The following PSKH1 variants were observed in gnomAD, a reference collection of about 807,000 sequenced individuals.
PSKH1 encodes serine/threonine-protein kinase H1.
In PSKH1, 12 loss-of-function variants were observed where a neutral mutation model predicts 26.7. The ratio of observed to expected loss-of-function variants is 0.45; its 90% CI spans 0.29 to 0.73. The LOEUF (loss-of-function observed/expected upper bound fraction) is 0.73, where lower values mean the gene tolerates loss of function less well. PSKH1 is among the 30% of genes least tolerant of loss of function. PSKH1 has a pLI of 0.11. For synonymous variants in PSKH1, 213 were observed against 234.3 expected, an observed-to-expected ratio of 0.91 and a Z score of 0.83; for missense variants, 431 against 595.2, an observed-to-expected ratio of 0.72 and a Z score of 2.87.
At chr16:67,921,157 A>C (rs1191067315) in intron 2 of PSKH1, among the ~76,000 whole-genome samples, 1 of 152,186 alleles carries the variant, frequency 6.6e-6, no homozygotes, top group East Asian at 1.9e-4. Flanking sequence ...GCATGCCTGT[A>C]ATCCCAGCTA....
At position 67,909,403 on chromosome 16, in the gene PSKH1, C is replaced by T. The variant is rs956589447; in HGVS notation, c.654C>T (p.Asp218=). ...YLHALGITHR[D]LKPENLLYYH... ...ATGCACTGGGCATCACACACCGAGA[C>T]CTCAAACCTGAGAATCTGCTCTACT... is the stretch of plus-strand genomic sequence containing the variant. Residue 218 remains aspartate, a synonymous_variant, in exon 2 of 3, where the codon GAC becomes GAT. Transcript: ENST00000291041. This position sits in a 1 kb window ranked among gnomAD's most constrained non-coding sequence, Gnocchi z 7.8. 4 of 1,613,726 alleles carry T rather than the reference C, an allele frequency of 2.5e-6. No individual in the cohort carries two copies. Among genetic ancestry groups the T allele is most frequent in the Non-Finnish European group, 3.4e-6 (4 of 1,180,038 alleles).
At chr16:67,921,315 G>A (rs1236655040) in intron 2 of PSKH1, among the ~76,000 whole-genome samples, 1 of 151,842 alleles carries the variant, frequency 6.6e-6, no homozygotes, top group African/African-American at 2.4e-5. Flanking sequence ...TGTGGCTCAC[G>A]CCTGTATCCC....
intron 1 of PSKH1, among the ~76,000 whole-genome samples, chr16:67,904,389 A>G (rs949703013): frequency 1.3e-5 from 2 of 151,776 alleles, no homozygotes; most frequent in African/African-American, 4.8e-5. Flanking sequence ...TTTTTTTGGT[A>G]GAGATGGGGT....
intron 2 of PSKH1, among the ~76,000 whole-genome samples, chr16:67,914,396 G>A (rs1363861379): frequency 6.6e-6 from 1 of 151,786 alleles, no homozygotes; most frequent in Non-Finnish European, 1.5e-5. Flanking sequence ...CAGGTGATCC[G>A]CCTGCCTCAG....
At chr16:67,912,734 G>C (rs1470574901) in intron 2 of PSKH1, among the ~76,000 whole-genome samples, 2 of 152,178 alleles carry the variant, frequency 1.3e-5, no homozygotes, top group East Asian at 3.9e-4. Flanking sequence ...CGGGCGTGGT[G>C]GCACATGCCT....
chr16:67,925,668 G>A (rs1394095527), intron 2 of PSKH1, among the ~76,000 whole-genome samples: 1 of 152,128 alleles, frequency 6.6e-6, no homozygotes, highest in Non-Finnish European at 1.5e-5. Flanking sequence ...ATCTCCCCAG[G>A]AGTCACTGGG....
intron 1 of PSKH1, among the ~76,000 whole-genome samples, chr16:67,900,187 C>G (rs1050796888): frequency 5.3e-5 from 8 of 152,024 alleles, no homozygotes; most frequent in African/African-American, 1.7e-4. Context: ...ATCTTGTACT[C>G]CTTACCTCAG....
chr16:67,912,649 A>G (rs567159470), intron 2 of PSKH1, among the ~76,000 whole-genome samples: 1 of 152,284 alleles, frequency 6.6e-6, no homozygotes, highest in Non-Finnish European at 1.5e-5. Flanking sequence ...TGGGCAGATC[A>G]CCTGAGGTTG....
chr16:67,926,178 G>C (rs1270697793), intron 2 of PSKH1, among the ~76,000 whole-genome samples: 2 of 152,096 alleles, frequency 1.3e-5, no homozygotes, highest in Non-Finnish European at 2.9e-5. Flanking sequence ...GCCTATCCTT[G>C]GGGGAGCCTC....
At chr16:67,894,881 A>G (rs890494052) in intron 1 of PSKH1, among the ~76,000 whole-genome samples, 1 of 149,966 alleles carries the variant, frequency 6.7e-6, no homozygotes, top group African/African-American at 2.5e-5. Context: ...TCCTGGGATA[A>G]TTTTGTGATA....
intron 2 of PSKH1, among the ~76,000 whole-genome samples, chr16:67,926,179 G>C (rs1230816943): frequency 6.6e-6 from 1 of 152,098 alleles, no homozygotes. Flanking sequence ...CCTATCCTTG[G>C]GGGAGCCTCA....
intron 1 of PSKH1, among the ~76,000 whole-genome samples, chr16:67,900,360 G>T (rs1009778452): frequency 9.2e-5 from 14 of 152,302 alleles, no homozygotes; most frequent in Admixed American, 9.1e-4. Flanking sequence ...TCTGACAGCT[G>T]TAGTGATCAA....
chr16:67,896,000 A>C (rs558055785), intron 1 of PSKH1, among the ~76,000 whole-genome samples: 1 of 152,222 alleles, frequency 6.6e-6, no homozygotes, highest in South Asian at 2.1e-4. Flanking sequence ...GAGATGGTAC[A>C]TATAAGATCC....
chr16:67,903,189 C>T (rs576351325), intron 1 of PSKH1: 1 of 152,160 alleles, frequency 6.6e-6, no homozygotes, highest in Admixed American at 6.5e-5. Flanking sequence ...ATTTCTGTCT[C>T]CCAGGCTGGA....
chr16:67,904,175 C>G (rs1176390311), intron 1 of PSKH1, among the ~76,000 whole-genome samples: 1 of 151,496 alleles, frequency 6.6e-6, no homozygotes, highest in African/African-American at 2.4e-5. Context: ...GCCACAATGC[C>G]TGGCTAATTT....
intron 2 of PSKH1, among the ~76,000 whole-genome samples, chr16:67,910,573 C>T (rs1294852675): frequency 2.0e-5 from 3 of 152,216 alleles, no homozygotes; most frequent in Non-Finnish European, 4.4e-5. Flanking sequence ...ATTGCAGTCT[C>T]CACCTCATGG....
rs1292070613 is a variant in PSKH1 at position 67,908,992 on chromosome 16, C to T, written c.243C>T (p.Ala81=). The part of the protein sequence containing the change: ...TEPPSEPPRR[A]RVAKYRAKFD... Reference sequence around the variant, plus strand: ...CTCCCTCAGAACCACCACGCAGGGCCAGGGTAGCTAAGTACAGGGCCAAGT... The same window carrying T: ...CTCCCTCAGAACCACCACGCAGGGCTAGGGTAGCTAAGTACAGGGCCAAGT... Residue 81 remains alanine, a synonymous_variant, in exon 2 of 3, where the codon GCC becomes GCT. Coordinates refer to ENST00000291041, the MANE Select transcript of PSKH1 (RefSeq NM_006742.3). 3 of 1,614,076 alleles carry T rather than the reference C, an allele frequency of 1.9e-6. No individual in the cohort carries two copies. In the South Asian group the frequency reaches 3.3e-5, roughly 18 times the overall value.
In PSKH1 at chr16:67,913,479, T is replaced by A. The variant is rs538233549; in HGVS notation, c.957+3773T>A. 4.7e-3 allele frequency among the ~76,000 whole-genome samples: 713 copies of A among 151,624 alleles called. 7 individuals carry two copies. The highest frequency in any genetic ancestry group is 0.016 in the African/African-American group (647 of 41,124). On this transcript the variant is annotated intron_variant, in intron 2 of 2. Coordinates refer to ENST00000291041, the MANE Select transcript of PSKH1 (RefSeq NM_006742.3). ...CTGTCTTAAAAAAAATTTTTTTTTT[T>A]AAAAAGCCTGTCCTGGTGTTCTGGG...
Position 67,896,535 on chromosome 16 carries a change from C to CTTTTT in PSKH1, c.-71+3184_-71+3188dup, listed in dbSNP as rs959626962. 1.9e-3 allele frequency among the ~76,000 whole-genome samples: 156 copies of CTTTTT among 80,948 alleles called. 3 individuals carry two copies. The highest frequency in any genetic ancestry group is 3.8e-3 in the African/African-American group (74 of 19,270). 53.1% of individuals were successfully genotyped at this position (80,948 alleles called of 152,430 possible). On this transcript the variant is annotated intron_variant, in intron 1 of 2. Transcript: ENST00000291041. ...GGGGAAAACTGACAATAGTGTGCTT[C>CTTTTT]TTTTTTTTTTTTTTTTTTTTTTTTG...
Sources: allele counts gnomAD v4.1 joint callset (sites outside exome capture counted in the v4.1 genomes callset), GRCh38; gene constraint gnomAD v4.1.1; non-coding constraint Gnocchi (gnomAD v3.1); transcripts MANE v1.5; gene names NCBI Gene and HGNC (gene_info 2026-07-23, HGNC 2026-07-21).